GTF2H2: variants seen among roughly 807,000 people sequenced by gnomAD.
The protein encoded by GTF2H2 is TFIIH basal transcription factor complex p44 subunit.
GTF2H2 carries 2 observed loss-of-function variants against 16.5 expected under a neutral mutation model. That is an observed-to-expected ratio of 0.12 (90% CI 0.05 to 0.38). The LOEUF (loss-of-function observed/expected upper bound fraction) is 0.38. Among genes scored for constraint, GTF2H2 ranks in the 10% least tolerant of loss-of-function variants. The pLI, the probability that GTF2H2 is intolerant of heterozygous loss-of-function variation, is 0.99. For missense variants in GTF2H2, 20 were observed against 137.0 expected, an observed-to-expected ratio of 0.15 and a Z score of 4.26; for synonymous variants, 8 against 44.1, an observed-to-expected ratio of 0.18 and a Z score of 3.24.
chr5:71,050,972 C>G (rs1752662928), intron 8 of GTF2H2, among the ~76,000 whole-genome samples: 1 of 130,214 alleles, frequency 7.7e-6, no homozygotes, highest in Admixed American at 8.1e-5. Flanking sequence ...TTAGCCTCCC[C>G]AGTAGCTGGG....
At position 71,054,958 on chromosome 5, in the gene GTF2H2, G is replaced by A. The variant is rs3906752; in HGVS notation, c.470+394C>T. ...AACTTGCCATATCTATTAATTTACAGATATATGACATTGGTGCAAAAGGAA... is the reference window on the plus strand; with the variant it reads ...AACTTGCCATATCTATTAATTTACAAATATATGACATTGGTGCAAAAGGAA... On this transcript the variant is annotated intron_variant, in intron 8 of 15. Coordinates refer to ENST00000274400, the Ensembl canonical transcript of GTF2H2. 2 of 147,398 alleles carry A rather than the reference G, an allele frequency of 1.4e-5. 1 individual carries two copies. Among genetic ancestry groups the A allele is most frequent in the Non-Finnish European group, 2.9e-5 (2 of 70,032 alleles). The allele number at this position is 147,398 out of a possible 1,614,324, so 9.1% of individuals were successfully genotyped here.
At chr5:71,061,556 C>T in intron 3 of GTF2H2, 132 bp downstream of exon 3, 1 of 323,810 alleles carries the variant, frequency 3.1e-6, no homozygotes, top group Non-Finnish European at 5.6e-6. Flanking sequence ...TAGTTCTTTC[C>T]CCATAGTCAG....
Position 71,051,173 on chromosome 5 carries a change from T to C in GTF2H2, c.471-2015A>G, listed in dbSNP as rs1187964883. ...GTGTAGATATTTTGACCTCTTTCTA[T>C]GAATGGCATTTAGAATGGTGAATTC... On this transcript the variant is annotated intron_variant, in intron 8 of 15. Coordinates refer to ENST00000274400, the Ensembl canonical transcript of GTF2H2. Among the ~76,000 whole-genome samples, 20 of 128,326 alleles carry C rather than the reference T, an allele frequency of 1.6e-4. 2 individuals carry two copies. Among genetic ancestry groups the C allele is most frequent in the African/African-American group, 5.8e-4 (19 of 32,930 alleles). The allele number at this position is 128,326 out of a possible 152,430, so 84.2% of individuals were successfully genotyped here.
intron 14 of GTF2H2, among the ~76,000 whole-genome samples, chr5:71,038,354 C>A (rs519733): frequency 0.27 from 18,040 of 67,294 alleles, 6,779 homozygotes; most frequent in African/African-American, 0.5. Context: ...GGCTTCCCAA[C>A]GTGTTAGGAT....
chr5:71,051,557 T>TAGAATA (rs1467603338), intron 8 of GTF2H2, among the ~76,000 whole-genome samples: 1 of 76,658 alleles, frequency 1.3e-5, no homozygotes, highest in African/African-American at 5.9e-5. Context: ...TGAATAGATT[T>TAGAATA]AGAATAATTC....
At chr5:71,050,505 C>A (rs1752629182) in intron 8 of GTF2H2, among the ~76,000 whole-genome samples, 1 of 38,584 alleles carries the variant, frequency 2.6e-5, no homozygotes, top group East Asian at 1.7e-3. Flanking sequence ...AGTAAGTGTG[C>A]AACAGCATTA....
At position 71,044,172 on chromosome 5, in the gene GTF2H2, TA is replaced by T. The variant is rs1315779412; in HGVS notation, c.821+1271del. ...GGACTCTATTCAATGCCTGTCATGT[TA>T]AGAGGTATTTCCATACAGACTGGTG... is the stretch of plus-strand genomic sequence containing the variant. On this transcript the variant is annotated intron_variant, in intron 12 of 15. Transcript: ENST00000274400. Among the ~76,000 whole-genome samples the T allele has an allele frequency of 3.9e-5, 4 of 102,284 alleles. No homozygotes were observed. The East Asian group carries it at 1.3e-3, about 32-fold the overall frequency. The allele number at this position is 102,284 out of a possible 152,430, so 67.1% of individuals were successfully genotyped here. A position where few individuals can be genotyped will look rare whatever the true frequency, so the allele number is the denominator to read the frequency against.
At chr5:71,052,171 T>C (rs2150170957) in intron 8 of GTF2H2, among the ~76,000 whole-genome samples, 1 of 143,142 alleles carries the variant, frequency 7.0e-6, no homozygotes, top group South Asian at 2.1e-4. Context: ...CTTGCACTTT[T>C]TTTTTCTTTA....
chr5:71,038,303 G>T lies in GTF2H2; in HGVS notation c.1029-757C>A, dbSNP rs1354764880. On this transcript the variant is annotated intron_variant, in intron 14 of 15. Transcript: ENST00000274400. ...GGCAGGGTCTCGCTATATTGCCCAGGCTGGTCTCGAATGCCTGGGCTCAAG... is the reference window on the plus strand; with the variant it reads ...GGCAGGGTCTCGCTATATTGCCCAGTCTGGTCTCGAATGCCTGGGCTCAAG... Among the ~76,000 whole-genome samples, 2 of 65,692 alleles carry T rather than the reference G, an allele frequency of 3.0e-5. 1 individual carries two copies. The highest frequency in any genetic ancestry group is 1.2e-4 in the African/African-American group (2 of 16,084). The allele number at this position is 65,692 out of a possible 152,430, so 43.1% of individuals were successfully genotyped here. A position where few individuals can be genotyped will look rare whatever the true frequency, so the allele number is the denominator to read the frequency against.
In GTF2H2 at chr5:71,053,411, G is replaced by A. The variant is rs538855904; in HGVS notation, c.470+1941C>T. On this transcript the variant is annotated intron_variant, in intron 8 of 15. Transcript: ENST00000274400. ...ATTAAGTCTGTTGTCTTATATGGGCGCAGTTTGTGGTGCCCTAAAATAATT... is the reference window on the plus strand; with the variant it reads ...ATTAAGTCTGTTGTCTTATATGGGCACAGTTTGTGGTGCCCTAAAATAATT... Among the ~76,000 whole-genome samples, 1,142 of 138,262 alleles carry A rather than the reference G, an allele frequency of 8.3e-3. 129 individuals carry two copies. Among genetic ancestry groups the A allele is most frequent in the African/African-American group, 0.03 (1,064 of 35,940 alleles). The allele number at this position is 138,262 out of a possible 152,430, so 90.7% of individuals were successfully genotyped here. A position where few individuals can be genotyped will look rare whatever the true frequency, so the allele number is the denominator to read the frequency against.
chr5:71,054,325 A>C (rs56381512), intron 8 of GTF2H2, among the ~76,000 whole-genome samples: 14,591 of 145,558 alleles, frequency 0.1, 2,073 homozygotes, highest in Admixed American at 0.15. Flanking sequence ...AGACCCTGCT[A>C]CTGTACTTAC....
At chr5:71,039,770 C>T in intron 14 of GTF2H2, among the ~76,000 whole-genome samples, 1 of 99,916 alleles carries the variant, frequency 1.0e-5, no homozygotes, top group South Asian at 4.2e-4. Flanking sequence ...CAAGCTAAAA[C>T]AATGAGACTT....
At chr5:71,042,097 CTT>C (rs1297581995) in intron 13 of GTF2H2, 82 bp downstream of exon 13, 2 of 250,612 alleles carry the variant, frequency 8.0e-6, no homozygotes, top group African/African-American at 8.6e-5. Context: ...ATAGGAATAA[CTT>C]AACATTTACA....
chr5:71,055,299 T>C, intron 8 of GTF2H2, 53 bp downstream of exon 8: 1 of 1,512,200 alleles, frequency 6.6e-7, no homozygotes, highest in Non-Finnish European at 9.0e-7. Flanking sequence ...TCACTTCAGC[T>C]TAACTCATTT....
At chr5:71,051,090 A>G (rs1421263812) in intron 8 of GTF2H2, among the ~76,000 whole-genome samples, 3 of 142,204 alleles carry the variant, frequency 2.1e-5, no homozygotes, top group Non-Finnish European at 4.6e-5. Flanking sequence ...CAAGTGATCC[A>G]CCCGCCTCGG....
intron 8 of GTF2H2, among the ~76,000 whole-genome samples, chr5:71,053,122 AGT>A (rs1752898933): frequency 8.5e-6 from 1 of 117,238 alleles, no homozygotes; most frequent in Non-Finnish European, 1.8e-5. Flanking sequence ...AATGTGACTA[AGT>A]GTTTAGCACA....
intron 11 of GTF2H2, 95 bp downstream of exon 11, chr5:71,047,910 AT>A (rs1434279559): frequency 3.2e-5 from 13 of 407,350 alleles, no homozygotes; most frequent in Admixed American, 2.6e-4. Flanking sequence ...CAACAAGCAT[AT>A]TTTTTCTTTA....
At chr5:71,052,948 T>G (rs1752878785) in intron 8 of GTF2H2, among the ~76,000 whole-genome samples, 1 of 98,452 alleles carries the variant, frequency 1.0e-5, no homozygotes, top group Non-Finnish European at 2.0e-5. Context: ...TTTTTTTTTT[T>G]GTAGAGGTGG....
chr5:71,039,334 CTTTCT>C (rs1751918239), intron 14 of GTF2H2, among the ~76,000 whole-genome samples: 1 of 108,156 alleles, frequency 9.2e-6, no homozygotes, highest in Admixed American at 9.3e-5. Flanking sequence ...TTGGCAGTCC[CTTTCT>C]TTTATCTTCG....
Sources: allele counts gnomAD v4.1 joint callset (sites outside exome capture counted in the v4.1 genomes callset), GRCh38; gene constraint gnomAD v4.1.1; transcripts MANE v1.5; gene names NCBI Gene and HGNC (gene_info 2026-07-23, HGNC 2026-07-21).